The following FANCL variants were observed in gnomAD, a reference collection of about 807,000 sequenced individuals.
The protein encoded by FANCL is FA complementation group L, also known as E3 ubiquitin-protein ligase FANCL.
A neutral mutation model predicts 59.4 loss-of-function variants in FANCL; 69 were observed. The observed-to-expected ratio is 1.16, with a 90% CI of 0.96 to 1.42. The LOEUF is 1.42. Ranked by LOEUF, FANCL falls within the 40% of genes most tolerant of loss-of-function variation. FANCL has a pLI of 0.00. For synonymous variants in FANCL, 180 were observed against 147.1 expected (o/e 1.22, Z -1.62); for missense variants, 519 against 447.2 (o/e 1.16, Z -1.45).
chr2:58,213,349 C>T (rs1472006642), intron 5 of FANCL, among the ~76,000 whole-genome samples: 1 of 152,080 alleles, frequency 6.6e-6, no homozygotes, highest in Non-Finnish European at 1.5e-5. Context: ...GTCCTGAAAC[C>T]CAATTTTATC....
intron 5 of FANCL, among the ~76,000 whole-genome samples, chr2:58,220,402 A>G (rs530888966): frequency 7.1e-6 from 1 of 140,670 alleles, no homozygotes; most frequent in Non-Finnish European, 1.6e-5. Context: ...AAGGGAAAAA[A>G]TTGATCTACA....
intron 2 of FANCL, among the ~76,000 whole-genome samples, chr2:58,230,238 G>T (rs1693442306): frequency 1.3e-5 from 2 of 152,220 alleles, no homozygotes; most frequent in South Asian, 4.1e-4. Context: ...ACATGTATTT[G>T]AAAAAGCATG....
chr2:58,202,182 A>T (rs1158377473), intron 6 of FANCL, among the ~76,000 whole-genome samples: 1 of 150,174 alleles, frequency 6.7e-6, no homozygotes, highest in East Asian at 1.9e-4. Context: ...TTACTTTTGA[A>T]AGTAAAAGTT....
intron 7 of FANCL, among the ~76,000 whole-genome samples, chr2:58,180,328 C>A (rs1265228549): frequency 6.6e-6 from 1 of 152,120 alleles, no homozygotes; most frequent in African/African-American, 2.4e-5. Flanking sequence ...CCCAAACGCC[C>A]ATCAATGATA....
intron 1 of FANCL, 58 bp downstream of exon 1, chr2:58,241,157 TCTC>T (rs1694506913): frequency 1.9e-6 from 3 of 1,577,960 alleles, no homozygotes; most frequent in South Asian, 1.1e-5. Flanking sequence ...GTCACAGACT[TCTC>T]CGCGCAGCTA....
intron 1 of FANCL, among the ~76,000 whole-genome samples, chr2:58,234,622 A>G (rs1180048490): frequency 6.6e-6 from 1 of 152,036 alleles, no homozygotes; most frequent in East Asian, 1.9e-4. Context: ...GGAGTTCCAC[A>G]TACCAAAAGG....
chr2:58,215,847 A>G (rs1691663526), intron 5 of FANCL, among the ~76,000 whole-genome samples: 1 of 151,978 alleles, frequency 6.6e-6, no homozygotes. Flanking sequence ...AACTTCTGAT[A>G]AATCCTTAAA....
At chr2:58,165,980 T>C in intron 7 of FANCL, 106 bp from the exon 8 acceptor site, 1 of 1,155,084 alleles carries the variant, frequency 8.7e-7, no homozygotes, top group Non-Finnish European at 1.3e-6. Flanking sequence ...TGTTTCATTT[T>C]AGCTACAAAG....
chr2:58,225,228 TA>T (rs558189058), intron 4 of FANCL, among the ~76,000 whole-genome samples: 71 of 144,864 alleles, frequency 4.9e-4, no homozygotes, highest in South Asian at 2.4e-3. Flanking sequence ...AAAGATACTT[TA>T]AAAAAAAAAA....
intron 6 of FANCL, among the ~76,000 whole-genome samples, chr2:58,198,992 G>A (rs1421076131): frequency 6.9e-6 from 1 of 145,648 alleles, no homozygotes; most frequent in Non-Finnish European, 1.5e-5. Context: ...CTGCGCCACT[G>A]CACTCCAGCC....
rs541676853 is a variant in FANCL at position 58,236,473 on chromosome 2, A to AC, written c.97-4362_97-4361insG. 1.1e-3 allele frequency among the ~76,000 whole-genome samples: 166 copies of AC among 151,550 alleles called. 1 individual carries two copies. The highest frequency in any genetic ancestry group is 1.8e-3 in the Non-Finnish European group (121 of 67,744). The stretch of plus-strand genomic sequence containing the variant: ...CCTTTAAGCAACTAGTTAAAAAAAA[A>AC]ACACACACACACACAGCCAATAAAC... On this transcript the variant is annotated intron_variant, in intron 1 of 13. Transcript: ENST00000233741.
At position 58,159,858 on chromosome 2, in the gene FANCL, C is replaced by G. The variant is rs1573491623; in HGVS notation, c.1093-58G>C. Reference sequence around the variant, plus strand: ...GTGGACACTCTAAAAAATAAAATTGCTTTGTACTAGAAATAGTGTCATAGA... The same window carrying G: ...GTGGACACTCTAAAAAATAAAATTGGTTTGTACTAGAAATAGTGTCATAGA... On this transcript the variant is annotated intron_variant, in intron 13 of 13. Transcript: ENST00000233741. 1.1e-5 allele frequency: 18 copies of G among 1,604,442 alleles called. No individual in the cohort carries two copies. The South Asian group carries it at 1.7e-4, about 15-fold the overall frequency.
intron 1 of FANCL, among the ~76,000 whole-genome samples, chr2:58,235,494 A>G (rs1693929255): frequency 6.6e-6 from 1 of 152,138 alleles, no homozygotes; most frequent in Non-Finnish European, 1.5e-5. Flanking sequence ...AAAGCTTAAA[A>G]TTACTTGGAA....
Position 58,219,140 on chromosome 2 carries a change from T to TAAAAA in FANCL, c.374+2797_374+2801dup, listed in dbSNP as rs70954881. Among the ~76,000 whole-genome samples the TAAAAA allele has an allele frequency of 6.6e-4, 11 of 16,604 alleles. 1 individual carries two copies. Among genetic ancestry groups the TAAAAA allele is most frequent in the East Asian group, 2.8e-3 (1 of 356 alleles). The allele number at this position is 16,604 out of a possible 152,430, so 10.9% of individuals were successfully genotyped here. On this transcript the variant is annotated intron_variant, in intron 5 of 13. Transcript: ENST00000233741. ...TCAGTGCCAGAAAGTAAATACATGCTAAAAAAAAAAAAAAAAAAAAAAAAA... is the reference window on the plus strand; with the variant it reads ...TCAGTGCCAGAAAGTAAATACATGCTAAAAAAAAAAAAAAAAAAAAAAAAAAAAAA...
chr2:58,221,728 AT>A (rs1460332103), intron 5 of FANCL, among the ~76,000 whole-genome samples: 2 of 152,106 alleles, frequency 1.3e-5, no homozygotes, highest in Non-Finnish European at 2.9e-5. Context: ...TAAAAATGTC[AT>A]TTTTTCCAAA....
At position 58,241,225 on chromosome 2, in the gene FANCL, G is replaced by A. The variant is rs763615183; in HGVS notation, c.89C>T (p.Ser30Leu). The A allele has an allele frequency of 1.9e-6, 3 of 1,614,136 alleles. No homozygotes were observed. The highest frequency in any genetic ancestry group is 2.2e-5 in the South Asian group (2 of 91,092). ...CAACCACTGGGCGGGTACCTGAGCC[G>A]AGATGAATCCCTCATACACGGTTTT... ...RSKTVYEGFI[S>L]AQGRDFHLRI... Residue 30 changes from serine to leucine, a missense_variant, in exon 1 of 14, where the codon TCG becomes TTG. Ser to Leu is a moderately radical substitution (Grantham distance 145, BLOSUM62 -2). Transcript: ENST00000233741.
rs2104762514 is a variant in FANCL, at chr2:58,159,681, A to T, written c.*84T>A. Reference sequence around the variant, plus strand: ...TTTTGATGTTAGTATTTCTTGCTTTATTTTTTCTCTGAAGATGATACCAAA... The same window carrying T: ...TTTTGATGTTAGTATTTCTTGCTTTTTTTTTTCTCTGAAGATGATACCAAA... On this transcript the variant is annotated 3_prime_UTR_variant, in exon 14 of 14. Transcript: ENST00000233741. The T allele has an allele frequency of 1.9e-6, 3 of 1,612,400 alleles. No individual in the cohort carries two copies. Among genetic ancestry groups the T allele is most frequent in the Non-Finnish European group, 2.5e-6 (3 of 1,179,348 alleles).
chr2:58,210,372 C>T (rs1465154380), intron 5 of FANCL, among the ~76,000 whole-genome samples: 2 of 152,182 alleles, frequency 1.3e-5, no homozygotes, highest in African/African-American at 2.4e-5. Context: ...ACCATCACAT[C>T]TCATGACACT....
chr2:58,165,945 TAC>T, intron 7 of FANCL, 71 bp from the exon 8 acceptor site: 1 of 1,494,246 alleles, frequency 6.7e-7, no homozygotes, highest in Non-Finnish European at 9.3e-7. Context: ...TTACTTAAAA[TAC>T]ACTCAATTTA....
Sources: gnomAD v4.1 joint callset for allele counts (sites outside exome capture counted in the v4.1 genomes callset) on GRCh38, gnomAD v4.1.1 for gene constraint, MANE v1.5 for transcripts, NCBI Gene and HGNC (gene_info 2026-07-23, HGNC 2026-07-21) for gene names.